The following AKAP17A variants were observed in gnomAD, a reference collection of about 807,000 sequenced individuals.
AKAP17A encodes the protein A-kinase anchor protein 17A.
Under a neutral mutation model 52.2 loss-of-function variants are expected in AKAP17A, and 15 were observed. That is an observed-to-expected ratio of 0.29 (90% CI 0.19 to 0.44). The LOEUF (loss-of-function observed/expected upper bound fraction) is 0.44. AKAP17A is among the 20% of genes least tolerant of loss of function. The pLI is 1.00. For synonymous variants in AKAP17A, 514 were observed against 424.7 expected (o/e 1.21, Z -2.58); for missense variants, 1,060 against 1,007.0 (o/e 1.05, Z -0.71).
chrX:1,600,696 A>G lies in AKAP17A; in HGVS notation c.1190A>G (p.Lys397Arg), dbSNP rs1485784622. The G allele has an allele frequency of 6.5e-7, 1 of 1,545,642 alleles. No individual in the cohort carries two copies. The highest frequency in any genetic ancestry group is 1.2e-5 in the South Asian group (1 of 83,898). Residue 397 changes from lysine to arginine, a missense_variant, in exon 5 of 5, where the codon AAG (lysine) becomes AGG (arginine). By Grantham distance (26) the Lys-to-Arg change is conservative (BLOSUM62 2). This residue lies in a region of AKAP17A where 793 missense variants were observed against 629.9 expected (regional missense o/e 1.26). Transcript: ENST00000313871. The stretch of plus-strand genomic sequence containing the variant: ...CGGGAACAGGAGCAGAAGGAGGAGA[A>G]GCTGAGGCTCCAGCAGCAGGAGGAG... ...KLREQEQKEE[K>R]LRLQQQEERR...
intron 1 of AKAP17A, 42 bp from the exon 2 acceptor site, chrX:1,593,402 G>C (rs1215640029): frequency 1.9e-6 from 3 of 1,557,456 alleles, no homozygotes; most frequent in Non-Finnish European, 1.7e-6. Context: ...GGCGGGGGAG[G>C]TGGGGGGTGC....
chrX:1,596,727 T>TCTTCCTC (rs1933008020), intron 3 of AKAP17A, among the ~76,000 whole-genome samples: 1 of 6,936 alleles, frequency 1.4e-4, no homozygotes, highest in African/African-American at 6.3e-4. Context: ...TCCTCCTCCT[T>TCTTCCTC]CTCCGTCCCT....
At chrX:1,598,867 C>CCCGT (rs1279107654) in intron 3 of AKAP17A, among the ~76,000 whole-genome samples, 1 of 152,208 alleles carries the variant, frequency 6.6e-6, no homozygotes, top group Non-Finnish European at 1.5e-5. Flanking sequence ...TCCTCTTTCA[C>CCCGT]CCGTCCGTCT....
intron 3 of AKAP17A, 142 bp from the exon 4 acceptor site, chrX:1,599,041 TGAGTCAACC>T: frequency 8.0e-7 from 1 of 1,248,944 alleles, no homozygotes; most frequent in Non-Finnish European, 1.1e-6. Flanking sequence ...CGGGCTGCTT[TGAGTCAACC>T]GAGGTCCACC....
chrX:1,597,818 T>C (rs1253727857), intron 3 of AKAP17A, among the ~76,000 whole-genome samples: 8 of 151,874 alleles, frequency 5.3e-5, no homozygotes, highest in Admixed American at 2.0e-4. Flanking sequence ...CACAGAGGGA[T>C]TGGGGGAAGC....
At chrX:1,592,720 A>G (rs1463462623) in intron 1 of AKAP17A, among the ~76,000 whole-genome samples, 1 of 151,992 alleles carries the variant, frequency 6.6e-6, no homozygotes, top group Admixed American at 6.6e-5. Flanking sequence ...AGCTTCCTCT[A>G]CTTGGACTTG....
rs749047101 is a variant in AKAP17A at position 1,602,025 on chromosome X, C to T, written c.*431C>T. The T allele has an allele frequency of 2.5e-4, 43 of 174,566 alleles. No homozygotes were observed. The highest frequency in any genetic ancestry group is 4.4e-4 in the Admixed American group (7 of 15,836). 10.8% of individuals were successfully genotyped at this position (174,566 alleles called of 1,614,324 possible). On this transcript the variant is annotated 3_prime_UTR_variant, in exon 5 of 5. Transcript: ENST00000313871. ...CACTGGCACTGAAAAGAAAGCGTTG[C>T]CCTGGTGATTCTTTCCCCCCCGTTT...
chrX:1,601,698 A>G lies in AKAP17A; in HGVS notation c.*104A>G, dbSNP rs778270092. The G allele has an allele frequency of 7.9e-6, 9 of 1,143,232 alleles. No homozygotes were observed. In the African/African-American group the frequency reaches 1.5e-4, roughly 19 times the overall value. 70.8% of individuals were successfully genotyped at this position (1,143,232 alleles called of 1,614,324 possible). A position where few individuals can be genotyped will look rare whatever the true frequency, so the allele number is the denominator to read the frequency against. On this transcript the variant is annotated 3_prime_UTR_variant, in exon 5 of 5. Transcript: ENST00000313871. Reference sequence around the variant, plus strand: ...CTCCGTCCACCCCTGCAAAGCCAAGACCCTTCTGCAGCCACGAATGTCCAC... The same window carrying G: ...CTCCGTCCACCCCTGCAAAGCCAAGGCCCTTCTGCAGCCACGAATGTCCAC...
Position 1,593,809 on chromosome X carries a change from A to T in AKAP17A, c.347A>T (p.Glu116Val), listed in dbSNP as rs753695598. ...FSDILKVRAA[E>V]FKIDFPTRHD... ...GACATCCTGAAGGTGCGCGCGGCCG[A>T]GTTCAAGATCGACTTCCCCACCCGC... Residue 116 changes from glutamate to valine, a missense_variant, in exon 2 of 5, where the codon GAG becomes GTG. By Grantham distance (121) the Glu-to-Val change is moderately radical. Transcript: ENST00000313871. 1 of 1,612,466 alleles carries T rather than the reference A, an allele frequency of 6.2e-7. No homozygotes were observed. The highest frequency in any genetic ancestry group is 1.1e-5 in the South Asian group (1 of 90,996).
In AKAP17A at chrX:1,601,716, A is replaced by T; in HGVS notation, c.*122A>T. On this transcript the variant is annotated 3_prime_UTR_variant, in exon 5 of 5. Transcript: ENST00000313871. ...AGCCAAGACCCTTCTGCAGCCACGA[A>T]TGTCCACGGAGCCCGCCGGCAGGAA... 1 of 931,318 alleles carries T rather than the reference A, an allele frequency of 1.1e-6. No individual in the cohort carries two copies. The highest frequency in any genetic ancestry group is 1.4e-6 in the Non-Finnish European group (1 of 692,042). The allele number at this position is 931,318 out of a possible 1,614,324, so 57.7% of individuals were successfully genotyped here.
At position 1,601,259 on chromosome X, in the gene AKAP17A, A is replaced by AAGGGCC; in HGVS notation, c.1754_1759dup (p.Gly586_Arg587insGlnGly). On this transcript the variant is annotated inframe_insertion, in exon 5 of 5. Coordinates refer to ENST00000313871, the MANE Select transcript of AKAP17A (RefSeq NM_005088.3). Reference sequence around the variant, plus strand: ...GGACAAGTGCAACCGGGAGCCCAGCAAGGGCCGGGGCCGGGCCACCGGAGA... The same window carrying AAGGGCC: ...GGACAAGTGCAACCGGGAGCCCAGCAAGGGCCAGGGCCGGGGCCGGGCCACCGGAGA... 1 of 1,613,456 alleles carries AAGGGCC rather than the reference A, an allele frequency of 6.2e-7. No individual in the cohort carries two copies. Among genetic ancestry groups the AAGGGCC allele is most frequent in the Non-Finnish European group, 8.5e-7 (1 of 1,179,650 alleles).
Position 1,593,857 on chromosome X carries a change from G to A in AKAP17A, c.395G>A (p.Arg132His). The A allele has an allele frequency of 3.1e-6, 5 of 1,612,642 alleles. No individual in the cohort carries two copies. The highest frequency in any genetic ancestry group is 3.4e-6 in the Non-Finnish European group (4 of 1,179,122). ...PTRHDWDSFF[R>H]DAKDMNETLP... The stretch of plus-strand genomic sequence containing the variant: ...CGCCACGACTGGGACTCCTTCTTCC[G>A]CGACGCCAAGGACATGAACGAGACC... The change falls in exon 2 of 5, where the codon CGC becomes CAC. Residue 132 changes from arginine (R) to histidine (H), a missense_variant. Physicochemically the swap from Arg to His is conservative, Grantham distance 29. Around this residue, in one of 2 missense-constraint regions of AKAP17A, gnomAD observed 267 missense variants for 377.1 expected, o/e 0.71. Transcript: ENST00000313871.
chrX:1,593,513 C>T lies in AKAP17A; in HGVS notation c.51C>T (p.Cys17=). 6.2e-7 allele frequency: 1 copy of T among 1,613,772 alleles called. No individual in the cohort carries two copies. The highest frequency in any genetic ancestry group is 8.5e-7 in the Non-Finnish European group (1 of 1,179,858). ...ACACGTCTGAGGCCGTGGAGCTCTGCCCTGCTTACGGCTTGTACCTGAAGC... is the reference window on the plus strand; with the variant it reads ...ACACGTCTGAGGCCGTGGAGCTCTGTCCTGCTTACGGCTTGTACCTGAAGC... ...VHDTSEAVEL[C]PAYGLYLKPI... is the part of the protein sequence containing the mutation. Residue 17 remains cysteine, a synonymous_variant, in exon 2 of 5, where the codon TGC becomes TGT. Coordinates refer to ENST00000313871, the MANE Select transcript of AKAP17A (RefSeq NM_005088.3).
Position 1,594,069 on chromosome X carries a change from A to C in AKAP17A, c.607A>C (p.Asn203His). Residue 203 changes from asparagine to histidine, a missense_variant, in exon 2 of 5, where the codon AAC becomes CAC. This residue lies in a region of AKAP17A where 267 missense variants were observed against 377.1 expected (regional missense o/e 0.71). Transcript: ENST00000313871. The part of the protein sequence containing the change: ...DPYREEMTGR[N>H]FHTFSFGGHL... Reference sequence around the variant, plus strand: ...CTACCGGGAGGAGATGACGGGCCGCAACTTCCACACCTTCAGTTTCGGGGG... The same window carrying C: ...CTACCGGGAGGAGATGACGGGCCGCCACTTCCACACCTTCAGTTTCGGGGG... 1.2e-6 allele frequency: 2 copies of C among 1,613,502 alleles called. No homozygotes were observed. Among genetic ancestry groups the C allele is most frequent in the Non-Finnish European group, 1.7e-6 (2 of 1,179,684 alleles).
chrX:1,600,631 C>T (rs1255869734), intron 4 of AKAP17A, 28 bp from the exon 5 acceptor site: 6 of 1,507,182 alleles, frequency 4.0e-6, no homozygotes, highest in Admixed American at 4.2e-5. Context: ...AGGAACCGGG[C>T]TCAGCTGCAC....
chrX:1,600,581 A>C, intron 4 of AKAP17A, 78 bp from the exon 5 acceptor site: 2 of 1,382,586 alleles, frequency 1.4e-6, no homozygotes, highest in Non-Finnish European at 1.9e-6. Flanking sequence ...GGGCCTCCAA[A>C]CACCTTCCCA....
chrX:1,599,327 G>C lies in AKAP17A; in HGVS notation c.1047G>C (p.Gln349His). The C allele has an allele frequency of 6.2e-7, 1 of 1,605,502 alleles. No individual in the cohort carries two copies. Among genetic ancestry groups the C allele is most frequent in the Non-Finnish European group, 8.5e-7 (1 of 1,176,682 alleles). Residue 349 changes from glutamine (Q) to histidine (H), a missense_variant, in exon 4 of 5, where the codon CAG becomes CAC. By Grantham distance (24) the Gln-to-His change is conservative. This residue lies in a region of AKAP17A where 793 missense variants were observed against 629.9 expected (regional missense o/e 1.26). Coordinates refer to ENST00000313871, the MANE Select transcript of AKAP17A (RefSeq NM_005088.3). The part of the protein sequence containing the change: ...KKLEKLQAEE[Q>H]KQLQEKIKLE... ...TGGAGAAGCTGCAGGCGGAGGAGCA[G>C]AAGCAGCTGCAGGAGAAGATCAAGC...
intron 1 of AKAP17A, among the ~76,000 whole-genome samples, chrX:1,592,953 T>A (rs1466252064): frequency 1.3e-5 from 2 of 152,172 alleles, no homozygotes; most frequent in East Asian, 3.9e-4. Flanking sequence ...ACTTCCTGTT[T>A]TATCAGGGCA....
rs1184082441 is a variant in AKAP17A at position 1,593,922 on chromosome X, C to A, written c.460C>A (p.Leu154Met). Reference protein sequence around the residue: ...ERPDTIHLEGLPCKWFALKES... With the variant: ...ERPDTIHLEGMPCKWFALKES... Reference sequence around the variant, plus strand: ...GCCGGACACCATCCACCTGGAGGGGCTGCCCTGCAAGTGGTTCGCCCTGAA... The same window carrying A: ...GCCGGACACCATCCACCTGGAGGGGATGCCCTGCAAGTGGTTCGCCCTGAA... The change falls in exon 2 of 5, where the codon CTG (leucine) becomes ATG (methionine). Residue 154 changes from leucine to methionine, a missense_variant. Physicochemically the swap from Leu to Met is conservative, Grantham distance 15 (BLOSUM62 2). This residue lies in a region of AKAP17A where 267 missense variants were observed against 377.1 expected (regional missense o/e 0.71). Transcript: ENST00000313871. 7 of 1,611,220 alleles carry A rather than the reference C, an allele frequency of 4.3e-6. No homozygotes were observed. Among genetic ancestry groups the A allele is most frequent in the Non-Finnish European group, 5.9e-6 (7 of 1,178,282 alleles).
Sources: gnomAD v4.1 joint callset for allele counts (sites outside exome capture counted in the v4.1 genomes callset) on GRCh38, gnomAD v4.1.1 for gene constraint, gnomAD v4.1.1 regional missense constraint, MANE v1.5 for transcripts, NCBI Gene and HGNC (gene_info 2026-07-23, HGNC 2026-07-21) for gene names.